Variants in EPHA6 observed in about 807,000 individuals in gnomAD.
EPHA6 encodes ephrin type-A receptor 6.
In EPHA6, 50 loss-of-function variants were observed where a neutral mutation model predicts 112.0. The observed-to-expected ratio is 0.45, with a 90% CI of 0.36 to 0.56. The LOEUF is 0.56. Ranked by LOEUF, EPHA6 falls within the 20% of genes least tolerant of loss-of-function variation. The pLI, the probability that EPHA6 is intolerant of heterozygous loss-of-function variation, is 0.00. For missense variants in EPHA6, 1,280 were observed against 1,417.4 expected (o/e 0.90, Z 1.56); for synonymous variants, 529 against 490.7 (o/e 1.08, Z -1.03).
intron 12 of EPHA6, among the ~76,000 whole-genome samples, chr3:97,596,493 T>C (rs1190782144): frequency 6.6e-6 from 1 of 151,976 alleles, no homozygotes; most frequent in Non-Finnish European, 1.5e-5. Flanking sequence ...TGGAGTAACA[T>C]ATAGAAATTT....
At chr3:96,930,773 C>T (rs1479728040) in intron 2 of EPHA6, among the ~76,000 whole-genome samples, 1 of 151,904 alleles carries the variant, frequency 6.6e-6, no homozygotes, top group African/African-American at 2.4e-5. Context: ...GGGCAGATCA[C>T]CTAAGGTCAG....
chr3:97,196,274 C>A (rs77222498), intron 3 of EPHA6, among the ~76,000 whole-genome samples: 5 of 151,758 alleles, frequency 3.3e-5, no homozygotes, highest in Admixed American at 2.0e-4. Context: ...GAGACTCATA[C>A]ATTCTTCAAT....
intron 5 of EPHA6, among the ~76,000 whole-genome samples, chr3:97,380,258 A>C (rs1377663391): frequency 6.6e-6 from 1 of 152,232 alleles, no homozygotes; most frequent in Non-Finnish European, 1.5e-5. Flanking sequence ...TATATCTTAC[A>C]GATTTTGTGA....
chr3:97,628,484 T>G (rs914498596), intron 13 of EPHA6, among the ~76,000 whole-genome samples: 9 of 151,966 alleles, frequency 5.9e-5, no homozygotes, highest in Non-Finnish European at 1.3e-4. Context: ...AAGATATCAC[T>G]AAGAGTCATA....
chr3:97,083,634 C>G (rs1000530197), intron 3 of EPHA6, among the ~76,000 whole-genome samples: 2 of 151,826 alleles, frequency 1.3e-5, no homozygotes, highest in African/African-American at 4.8e-5. Context: ...TTCTTCTACC[C>G]AAGTCTGTAC....
chr3:97,748,856 C>T lies in EPHA6; in HGVS notation c.*155C>T, dbSNP rs932093432. 11 of 599,866 alleles carry T rather than the reference C, an allele frequency of 1.8e-5. No individual in the cohort carries two copies. The highest frequency in any genetic ancestry group is 2.4e-5 in the Non-Finnish European group (8 of 332,594). 37.2% of individuals were successfully genotyped at this position (599,866 alleles called of 1,614,324 possible). On this transcript the variant is annotated 3_prime_UTR_variant, in exon 18 of 18. Coordinates refer to ENST00000389672, the MANE Select transcript of EPHA6 (RefSeq NM_001080448.3). ...CACACCTTATGTTTATGCTTCCAAC[C>T]AGGATTTTAAAATCATGCTACATAA...
At chr3:97,130,218 T>G (rs1008106833) in intron 3 of EPHA6, among the ~76,000 whole-genome samples, 6 of 152,104 alleles carry the variant, frequency 3.9e-5, no homozygotes, top group African/African-American at 1.4e-4. Flanking sequence ...TATGCACATG[T>G]CTACAGTATT....
Position 97,484,023 on chromosome 3 carries a change from C to G in EPHA6, c.2164C>G (p.Pro722Ala). 1 of 1,609,814 alleles carries G rather than the reference C, an allele frequency of 6.2e-7. No homozygotes were observed. Among genetic ancestry groups the G allele is most frequent in the Non-Finnish European group, 8.5e-7 (1 of 1,178,012 alleles). Residue 722 changes from proline (P) to alanine (A), a missense_variant, in exon 10 of 18, where the codon CCC becomes GCC. Around this residue, in one of 4 missense-constraint regions of EPHA6, gnomAD observed 878 missense variants for 999.7 expected, o/e 0.88. Transcript: ENST00000389672. Reference sequence around the variant, plus strand: ...CCATGAATTTGCAAAGGAGATTGATCCCTCAAGAATTCGTATTGAGAGAGT... The same window carrying G: ...CCATGAATTTGCAAAGGAGATTGATGCCTCAAGAATTCGTATTGAGAGAGT... ...AVHEFAKEID[P>A]SRIRIERVIG...
intron 5 of EPHA6, among the ~76,000 whole-genome samples, chr3:97,284,562 T>C (rs955018640): frequency 5.3e-5 from 8 of 152,176 alleles, no homozygotes; most frequent in African/African-American, 1.7e-4. Context: ...GAACTGGCTT[T>C]TCTAAAAACA....
chr3:96,864,839 ACTGT>A (rs1218341292), intron 1 of EPHA6, among the ~76,000 whole-genome samples: 11 of 152,094 alleles, frequency 7.2e-5, no homozygotes, highest in South Asian at 2.1e-4. Context: ...AATATTGAAC[ACTGT>A]CTGGATATGT....
chr3:97,260,684 G>A (rs1388260725), intron 5 of EPHA6, among the ~76,000 whole-genome samples: 1 of 152,160 alleles, frequency 6.6e-6, no homozygotes, highest in Non-Finnish European at 1.5e-5. Flanking sequence ...AGCCATTAGG[G>A]TAGAATACAG....
At chr3:96,998,966 G>A (rs976177259) in intron 3 of EPHA6, among the ~76,000 whole-genome samples, 2 of 151,736 alleles carry the variant, frequency 1.3e-5, no homozygotes, top group Admixed American at 6.6e-5. Context: ...ACTAGTTTTA[G>A]TTGTTAACTT....
At chr3:96,867,944 C>T (rs373256501) in intron 2 of EPHA6, among the ~76,000 whole-genome samples, 32 of 151,710 alleles carry the variant, frequency 2.1e-4, no homozygotes, top group East Asian at 1.9e-3. Flanking sequence ...TTATATACTG[C>T]GAGTTTATTT....
At chr3:97,551,550 A>G (rs550973728) in intron 11 of EPHA6, among the ~76,000 whole-genome samples, 3 of 152,270 alleles carry the variant, frequency 2.0e-5, no homozygotes, top group Admixed American at 1.3e-4. Context: ...CTGCACATTA[A>G]CAAGCATGAT....
chr3:97,727,009 T>C (rs1473383186), intron 15 of EPHA6, among the ~76,000 whole-genome samples: 1 of 152,064 alleles, frequency 6.6e-6, no homozygotes, highest in African/African-American at 2.4e-5. Flanking sequence ...CCTGACATGA[T>C]GCTGTTAAAA....
chr3:97,605,329 C>T (rs765022309), intron 12 of EPHA6, among the ~76,000 whole-genome samples: 103 of 151,470 alleles, frequency 6.8e-4, no homozygotes, highest in Non-Finnish European at 1.3e-3. Context: ...TTTGCCAAGG[C>T]TAAAGTCAAG....
intron 14 of EPHA6, among the ~76,000 whole-genome samples, chr3:97,674,818 T>C (rs2031204980): frequency 6.6e-6 from 1 of 152,226 alleles, no homozygotes; most frequent in African/African-American, 2.4e-5. Context: ...GCTCTACATC[T>C]TTCCCCTTCT....
Position 97,084,101 on chromosome 3 carries a change from GATATATAT to G in EPHA6, c.1114+96123_1114+96130del, listed in dbSNP as rs141072928. Among the ~76,000 whole-genome samples the G allele has an allele frequency of 2.9e-3, 303 of 103,592 alleles. 1 individual carries two copies. Among genetic ancestry groups the G allele is most frequent in the African/African-American group, 8.6e-3 (241 of 27,954 alleles). 68.0% of individuals were successfully genotyped at this position (103,592 alleles called of 152,430 possible). A position where few individuals can be genotyped will look rare whatever the true frequency, so the allele number is the denominator to read the frequency against. On this transcript the variant is annotated intron_variant, in intron 3 of 17. Transcript: ENST00000389672. ...GTGTGTGTGTGTGTGTGTGTGCATGGATATATATATATATATATATATGGATATATATC... is the reference window on the plus strand; with the variant it reads ...GTGTGTGTGTGTGTGTGTGTGCATGGATATATATATATATGGATATATATC...
chr3:97,119,509 C>G (rs2047984294), intron 3 of EPHA6, among the ~76,000 whole-genome samples: 1 of 151,850 alleles, frequency 6.6e-6, no homozygotes, highest in African/African-American at 2.4e-5. Flanking sequence ...TCAATGCAGT[C>G]TCAAAAATCA....
Sources: gnomAD v4.1 joint callset for allele counts (sites outside exome capture counted in the v4.1 genomes callset) on GRCh38, gnomAD v4.1.1 for gene constraint, gnomAD v4.1.1 regional missense constraint, MANE v1.5 for transcripts, NCBI Gene and HGNC (gene_info 2026-07-23, HGNC 2026-07-21) for gene names.